The following CDYL2 variants were observed in gnomAD, a reference collection of about 807,000 sequenced individuals.
CDYL2 encodes the protein chromodomain Y-like protein 2.
Under a neutral mutation model 49.4 loss-of-function variants are expected in CDYL2, and 23 were observed. The observed-to-expected ratio is 0.47, with a 90% CI of 0.34 to 0.66. The LOEUF is 0.66. Ranked by LOEUF, CDYL2 falls within the 30% of genes least tolerant of loss-of-function variation. The probability of loss-of-function intolerance (pLI) is 0.01; values close to 1 mark genes in which losing one functional copy is unlikely to be tolerated. For synonymous variants in CDYL2, 360 were observed against 268.8 expected (o/e 1.34, Z -3.32); for missense variants, 678 against 656.4 (o/e 1.03, Z -0.36).
rs141212998 is a variant in CDYL2 at position 80,637,598 on chromosome 16, C to T, written c.617-4362G>A. ...GTAAGGTCACAGAATACAAGGTTAA[C>T]AGACAAAAGTCAGTTACTTTTGCAC... On this transcript the variant is annotated intron_variant, in intron 2 of 6. Coordinates refer to ENST00000570137, the MANE Select transcript of CDYL2 (RefSeq NM_152342.4). Among the ~76,000 whole-genome samples, 74 of 152,292 alleles carry T rather than the reference C, an allele frequency of 4.9e-4. 1 individual carries two copies. Among genetic ancestry groups the T allele is most frequent in the Middle Eastern group, 3.4e-3 (1 of 294 alleles).
At chr16:80,633,293 A>C in intron 2 of CDYL2, 57 bp from the exon 3 acceptor site, 1 of 1,545,096 alleles carries the variant, frequency 6.5e-7, no homozygotes, top group Non-Finnish European at 8.9e-7. Flanking sequence ...TCCTAGAAGG[A>C]TGTGATCAGA....
At chr16:80,702,935 A>G (rs1904310572) in intron 1 of CDYL2, among the ~76,000 whole-genome samples, 1 of 152,234 alleles carries the variant, frequency 6.6e-6, no homozygotes, top group African/African-American at 2.4e-5. Flanking sequence ...AGCCTAAGAA[A>G]TAATCAGTTG....
chr16:80,762,412 A>G (rs1173623778), intron 1 of CDYL2, among the ~76,000 whole-genome samples: 3 of 152,202 alleles, frequency 2.0e-5, no homozygotes, highest in Non-Finnish European at 4.4e-5. Flanking sequence ...GAATATGACT[A>G]CAGTCCATAC....
intron 1 of CDYL2, among the ~76,000 whole-genome samples, chr16:80,786,803 A>G (rs1907450859): frequency 6.6e-6 from 1 of 152,182 alleles, no homozygotes; most frequent in Admixed American, 6.5e-5. Flanking sequence ...CATCATTCTC[A>G]GCAAACTATC....
chr16:80,710,954 G>C (rs1567580424), intron 1 of CDYL2, among the ~76,000 whole-genome samples: 1 of 152,194 alleles, frequency 6.6e-6, no homozygotes. Context: ...TTTTGTAACA[G>C]TACAAATCTG....
chr16:80,683,550 G>C (rs565219007), intron 2 of CDYL2, among the ~76,000 whole-genome samples: 99 of 142,844 alleles, frequency 6.9e-4, no homozygotes, highest in African/African-American at 2.3e-3. Flanking sequence ...GTTAGAGTAA[G>C]AGGCTGCCAA....
chr16:80,643,498 G>C (rs1374993071), intron 2 of CDYL2, among the ~76,000 whole-genome samples: 2 of 152,238 alleles, frequency 1.3e-5, no homozygotes, highest in Non-Finnish European at 2.9e-5. Context: ...GGGGCGGTGA[G>C]CCCATATTTC....
At chr16:80,731,879 A>G (rs1409169698) in intron 1 of CDYL2, among the ~76,000 whole-genome samples, 1 of 151,450 alleles carries the variant, frequency 6.6e-6, no homozygotes, top group South Asian at 2.1e-4. Flanking sequence ...AAGAGCATAC[A>G]TGAAACCCAA....
At chr16:80,713,533 G>T (rs1429617090) in intron 1 of CDYL2, among the ~76,000 whole-genome samples, 1 of 152,170 alleles carries the variant, frequency 6.6e-6, no homozygotes, top group Non-Finnish European at 1.5e-5. Context: ...TCTAATCAAA[G>T]ATTCCTCGGT....
chr16:80,651,514 A>C (rs895644521), intron 2 of CDYL2, among the ~76,000 whole-genome samples: 4 of 152,206 alleles, frequency 2.6e-5, no homozygotes, highest in Admixed American at 1.3e-4. Flanking sequence ...TGATACTACA[A>C]TGGAGAATAC....
At chr16:80,724,050 G>A (rs1223837044) in intron 1 of CDYL2, among the ~76,000 whole-genome samples, 1 of 144,730 alleles carries the variant, frequency 6.9e-6, no homozygotes, top group Non-Finnish European at 1.5e-5. Flanking sequence ...AGAGAAAGAA[G>A]ATGAAGAGGA....
chr16:80,761,475 G>A (rs554327875), intron 1 of CDYL2, among the ~76,000 whole-genome samples: 2 of 152,294 alleles, frequency 1.3e-5, no homozygotes, highest in African/African-American at 2.4e-5. Context: ...TGGTGCTGGT[G>A]GTCTTGAAGG....
chr16:80,642,390 C>A (rs1241746845), intron 2 of CDYL2, among the ~76,000 whole-genome samples: 1 of 152,102 alleles, frequency 6.6e-6, no homozygotes, highest in Non-Finnish European at 1.5e-5. Context: ...TGCAGTGAGC[C>A]AAGATCTCGC....
At chr16:80,671,156 C>T (rs186541018) in intron 2 of CDYL2, among the ~76,000 whole-genome samples, 1 of 152,120 alleles carries the variant, frequency 6.6e-6, no homozygotes, top group South Asian at 2.1e-4. Flanking sequence ...TAATAGCTCT[C>T]CAGGGAGCAG....
intron 2 of CDYL2, among the ~76,000 whole-genome samples, chr16:80,668,552 A>C (rs1909366597): frequency 6.6e-6 from 1 of 151,960 alleles, no homozygotes; most frequent in Admixed American, 6.6e-5. Flanking sequence ...TAGTCCCAAA[A>C]GATCCATAAG....
intron 1 of CDYL2, among the ~76,000 whole-genome samples, chr16:80,718,848 G>A (rs1287905205): frequency 6.6e-6 from 1 of 152,180 alleles, no homozygotes; most frequent in Non-Finnish European, 1.5e-5. Flanking sequence ...ACAAGAGCAG[G>A]GGAGCGCCTG....
At chr16:80,798,992 G>T (rs918013601) in intron 1 of CDYL2, among the ~76,000 whole-genome samples, 3 of 151,794 alleles carry the variant, frequency 2.0e-5, no homozygotes, top group African/African-American at 7.3e-5. Flanking sequence ...TAGCATTTGA[G>T]AAAATGCTTA....
chr16:80,640,875 G>T (rs980339379), intron 2 of CDYL2, among the ~76,000 whole-genome samples: 2 of 152,140 alleles, frequency 1.3e-5, no homozygotes, highest in Admixed American at 6.5e-5. Context: ...TGAGCCTGAA[G>T]ACAGGCTATT....
rs148966987 is a variant in CDYL2, at chr16:80,801,458, G to C, written c.24+2692C>G. Among the ~76,000 whole-genome samples, 7 of 152,316 alleles carry C rather than the reference G, an allele frequency of 4.6e-5. No individual in the cohort carries two copies. In the East Asian group the frequency reaches 1.3e-3, roughly 29 times the overall value. On this transcript the variant is annotated intron_variant, in intron 1 of 6. Coordinates refer to ENST00000570137, the MANE Select transcript of CDYL2 (RefSeq NM_152342.4). Reference sequence around the variant, plus strand: ...CAACTTAATTGTCTGAAATGCCAAAGAAAAGATGAAGAATCTCTACAATCC... The same window carrying C: ...CAACTTAATTGTCTGAAATGCCAAACAAAAGATGAAGAATCTCTACAATCC...
Sources: allele counts gnomAD v4.1 joint callset (sites outside exome capture counted in the v4.1 genomes callset), GRCh38; gene constraint gnomAD v4.1.1; transcripts MANE v1.5; gene names NCBI Gene and HGNC (gene_info 2026-07-23, HGNC 2026-07-21).